ZFHX3: variants seen among roughly 807,000 people sequenced by gnomAD.
ZFHX3 encodes zinc finger homeobox 3.
Under a neutral mutation model 279.1 loss-of-function variants are expected in ZFHX3, and 42 were observed. The ratio of observed to expected loss-of-function variants is 0.15; its 90% CI spans 0.12 to 0.19. The LOEUF is 0.19. Ranked by LOEUF, ZFHX3 falls within the 10% of genes least tolerant of loss-of-function variation. The probability of loss-of-function intolerance (pLI) is 1.00; values close to 1 mark genes in which losing one functional copy is unlikely to be tolerated. For missense variants in ZFHX3, 4,981 were observed against 4,754.0 expected (o/e 1.05, Z -1.40); for synonymous variants, 2,293 against 1,957.8 (o/e 1.17, Z -4.52).
At chr16:73,188,311 C>T (rs568766718) in intron 5 of ZFHX3, among the ~76,000 whole-genome samples, 8 of 152,314 alleles carry the variant, frequency 5.3e-5, no homozygotes, top group African/African-American at 1.4e-4. Flanking sequence ...CCTCCGGCCT[C>T]GGCCTCCCAA....
chr16:72,810,236 A>G (rs2036402238), intron 7 of ZFHX3, among the ~76,000 whole-genome samples: 1 of 148,428 alleles, frequency 6.7e-6, no homozygotes, highest in South Asian at 2.1e-4. Context: ...CCCAGGCTGG[A>G]GTGCAGTAGC....
At chr16:72,851,981 A>G (rs112350592) in intron 4 of ZFHX3, among the ~76,000 whole-genome samples, 12 of 152,358 alleles carry the variant, frequency 7.9e-5, no homozygotes, top group African/African-American at 2.4e-4. Flanking sequence ...ACTTTAGCAT[A>G]AAACTTCTGC....
At chr16:73,315,523 C>T (rs2015425620) in intron 4 of ZFHX3, among the ~76,000 whole-genome samples, 1 of 152,114 alleles carries the variant, frequency 6.6e-6, no homozygotes, top group Non-Finnish European at 1.5e-5. Context: ...CCTCTGGAGG[C>T]TTATCTTTCA....
intron 5 of ZFHX3, among the ~76,000 whole-genome samples, chr16:73,154,164 G>A (rs1426034872): frequency 6.6e-6 from 1 of 152,158 alleles, no homozygotes; most frequent in African/African-American, 2.4e-5. Context: ...CTTCCCTTGG[G>A]TATTGCAGAA....
chr16:73,486,895 A>T, intron 2 of ZFHX3: 1 of 455,138 alleles, frequency 2.2e-6, no homozygotes, highest in Non-Finnish European at 4.4e-6. Flanking sequence ...AGAAATTCAC[A>T]GGTAACACTA....
chr16:73,046,069 T>G (rs941308143), intron 1 of ZFHX3, among the ~76,000 whole-genome samples: 20 of 152,144 alleles, frequency 1.3e-4, no homozygotes, highest in Admixed American at 6.5e-5. Flanking sequence ...GTCCTGTAAT[T>G]TAGCAAAGGG....
At chr16:73,095,996 A>G (rs1966157604) in intron 7 of ZFHX3, among the ~76,000 whole-genome samples, 1 of 152,178 alleles carries the variant, frequency 6.6e-6, no homozygotes, top group Admixed American at 6.5e-5. Flanking sequence ...GCACAGGAAA[A>G]CAGTTAACAA....
chr16:73,489,561 A>G (rs2019026205), intron 2 of ZFHX3, among the ~76,000 whole-genome samples: 1 of 152,224 alleles, frequency 6.6e-6, no homozygotes, highest in Non-Finnish European at 1.5e-5. Context: ...ATTGCAACAA[A>G]TACCAATGCT....
At chr16:73,454,078 G>A (rs539703136) in intron 3 of ZFHX3, among the ~76,000 whole-genome samples, 21 of 152,238 alleles carry the variant, frequency 1.4e-4, no homozygotes, top group Non-Finnish European at 2.1e-4. Flanking sequence ...TCAGGGAGCC[G>A]AGGTAGGGCA....
chr16:73,238,953 G>A (rs145380118), intron 5 of ZFHX3, among the ~76,000 whole-genome samples: 3 of 152,116 alleles, frequency 2.0e-5, no homozygotes, highest in South Asian at 2.1e-4. Context: ...TGGGTTACGT[G>A]CTACTGCAAG....
chr16:73,644,479 G>A (rs7194301), intron 2 of ZFHX3, among the ~76,000 whole-genome samples: 87,268 of 151,768 alleles, frequency 0.58, 27,961 homozygotes, highest in East Asian at 0.83. Flanking sequence ...TGGTCAACAC[G>A]GTGAAATCCC....
At chr16:73,654,203 TAAAAAG>T (rs1817231726) in intron 2 of ZFHX3, among the ~76,000 whole-genome samples, 1 of 143,076 alleles carries the variant, frequency 7.0e-6, no homozygotes, top group African/African-American at 2.6e-5. Flanking sequence ...AAAAAAAAGA[TAAAAAG>T]AGAATGTTAC....
intron 1 of ZFHX3, among the ~76,000 whole-genome samples, chr16:73,039,720 A>C (rs1399574098): frequency 1.3e-5 from 2 of 152,080 alleles, no homozygotes; most frequent in Non-Finnish European, 2.9e-5. Context: ...TTTTTAGTAG[A>C]GATGGAGTTT....
intron 5 of ZFHX3, among the ~76,000 whole-genome samples, chr16:72,824,978 G>A (rs1053479885): frequency 6.6e-6 from 1 of 152,220 alleles, no homozygotes; most frequent in Non-Finnish European, 1.5e-5. Flanking sequence ...CCCTTCACTG[G>A]CCCACAGGAG....
At chr16:73,068,749 G>C (rs1965787746) in intron 8 of ZFHX3, among the ~76,000 whole-genome samples, 1 of 152,214 alleles carries the variant, frequency 6.6e-6, no homozygotes, top group Admixed American at 6.5e-5. Flanking sequence ...AGTAGACAGG[G>C]AATAAGAGCA....
intron 3 of ZFHX3, among the ~76,000 whole-genome samples, chr16:73,393,841 T>C (rs949121191): frequency 5.3e-5 from 8 of 150,714 alleles, no homozygotes; most frequent in African/African-American, 9.7e-5. Flanking sequence ...GTTTTCTACC[T>C]GTATGCCAAC....
rs190957777 is a variant in ZFHX3, at chr16:73,437,701, A to G, written c.-1291+18302T>C. ...TTTCTACATAAATGACATAATTATT[A>G]TTATTGGTATTTTCACCAACAAGTC... On this transcript the variant is annotated intron_variant, in intron 3 of 17. Coordinates refer to the ZFHX3 transcript ENST00000641206. Among the ~76,000 whole-genome samples, 860 of 152,264 alleles carry G rather than the reference A, an allele frequency of 5.6e-3. 11 individuals carry two copies. The highest frequency in any genetic ancestry group is 9.1e-3 in the Non-Finnish European group (616 of 68,018).
At chr16:73,295,408 G>C (rs1324232521) in intron 4 of ZFHX3, among the ~76,000 whole-genome samples, 1 of 152,234 alleles carries the variant, frequency 6.6e-6, no homozygotes, top group Non-Finnish European at 1.5e-5. Flanking sequence ...TTTGGAAAGA[G>C]TATCGAATGT....
chr16:72,850,010 C>CG (rs2037575986), intron 4 of ZFHX3, among the ~76,000 whole-genome samples: 1 of 151,416 alleles, frequency 6.6e-6, no homozygotes, highest in African/African-American at 2.4e-5. Flanking sequence ...AAGGTGGGAA[C>CG]GGTCGGGGGA....
Sources: allele counts gnomAD v4.1 joint callset (sites outside exome capture counted in the v4.1 genomes callset), GRCh38; gene constraint gnomAD v4.1.1; transcripts MANE v1.5; gene names NCBI Gene and HGNC (gene_info 2026-07-23, HGNC 2026-07-21).